LGR4: variants seen among roughly 807,000 people sequenced by gnomAD.
The protein encoded by LGR4 is leucine-rich repeat-containing G protein-coupled receptor 4.
Under a neutral mutation model 84.8 loss-of-function variants are expected in LGR4, and 44 were observed. That is an observed-to-expected ratio of 0.52 (90% CI 0.41 to 0.67). LGR4 has a LOEUF of 0.67. LGR4 is among the 30% of genes least tolerant of loss of function. The pLI, the probability that LGR4 is intolerant of heterozygous loss-of-function variation, is 0.00. For synonymous variants in LGR4, 429 were observed against 434.3 expected (o/e 0.99, Z 0.15); for missense variants, 1,032 against 1,131.4 (o/e 0.91, Z 1.26).
chr11:27,396,088 C>T (rs576985347), intron 2 of LGR4, among the ~76,000 whole-genome samples: 1 of 152,028 alleles, frequency 6.6e-6, no homozygotes, highest in African/African-American at 2.4e-5. Context: ...TTTCTGAGTC[C>T]CTGAGTGGTT....
At chr11:27,375,250 A>T (rs1862953672) in intron 13 of LGR4, among the ~76,000 whole-genome samples, 1 of 150,480 alleles carries the variant, frequency 6.6e-6, no homozygotes, top group Non-Finnish European at 1.5e-5. Flanking sequence ...AGCTGTGATT[A>T]CACCACTGCA....
chr11:27,411,892 A>G (rs1863718008), intron 2 of LGR4, among the ~76,000 whole-genome samples: 1 of 152,078 alleles, frequency 6.6e-6, no homozygotes, highest in Non-Finnish European at 1.5e-5. Flanking sequence ...CTAATACTCA[A>G]CAGCTGGGCT....
At position 27,386,567 on chromosome 11, in the gene LGR4, A is replaced by G. The variant is rs535893782; in HGVS notation, c.402-1099T>C. 2.0e-5 allele frequency among the ~76,000 whole-genome samples: 3 copies of G among 152,328 alleles called. No individual in the cohort carries two copies. The South Asian group carries it at 6.2e-4, about 32-fold the overall frequency. Reference sequence around the variant, plus strand: ...TCAGGTTCAGGAAATTCTGAGTTTTAGAGTGGTTTTTGTGCCTCCTGTTTC... The same window carrying G: ...TCAGGTTCAGGAAATTCTGAGTTTTGGAGTGGTTTTTGTGCCTCCTGTTTC... On this transcript the variant is annotated intron_variant, in intron 4 of 17. Transcript: ENST00000379214.
At chr11:27,387,435 G>A (rs1321330556) in intron 4 of LGR4, among the ~76,000 whole-genome samples, 3 of 152,148 alleles carry the variant, frequency 2.0e-5, no homozygotes, top group Admixed American at 2.0e-4. Flanking sequence ...GTCAAGAAAA[G>A]TATTTCTAAG....
chr11:27,461,675 A>G (rs2133455081), intron 1 of LGR4, among the ~76,000 whole-genome samples: 1 of 150,210 alleles, frequency 6.7e-6, no homozygotes, highest in South Asian at 2.1e-4. Context: ...CCGTTAGTAT[A>G]TTTTATGTGT....
chr11:27,392,567 C>CA, intron 2 of LGR4, 49 bp from the exon 3 acceptor site: 1 of 1,463,726 alleles, frequency 6.8e-7, no homozygotes, highest in Non-Finnish European at 9.2e-7. Flanking sequence ...GTAATTCAGA[C>CA]TTAAAATTCA....
intron 7 of LGR4, 56 bp from the exon 8 acceptor site, chr11:27,381,022 C>T (rs983380139): frequency 1.8e-5 from 17 of 927,416 alleles, no homozygotes; most frequent in Non-Finnish European, 2.8e-5. Context: ...CGAAATAAAA[C>T]CCAAGTATCT....
chr11:27,395,995 A>G (rs1863385342), intron 2 of LGR4, among the ~76,000 whole-genome samples: 1 of 152,250 alleles, frequency 6.6e-6, no homozygotes, highest in Admixed American at 6.5e-5. Context: ...CTATACGCCT[A>G]CAGTAGTTGC....
chr11:27,368,907 C>G lies in LGR4; in HGVS notation c.1816G>C (p.Ala606Pro), dbSNP rs760715826. Reference sequence around the variant, plus strand: ...GTTTCCCACCAAATGCCAAATTCAGCGAATCTGCCCCAGGACACAGCATCA... The same window carrying G: ...GTTTCCCACCAAATGCCAAATTCAGGGAATCTGCCCCAGGACACAGCATCA... ...FLDAVSWGRF[A>P]EFGIWWETGS... The change falls in exon 18 of 18, where the codon GCT (alanine) becomes CCT (proline). Residue 606 changes from alanine (A) to proline (P), a missense_variant. Ala to Pro is a conservative substitution (Grantham distance 27). Transcript: ENST00000379214. The G allele has an allele frequency of 6.2e-7, 1 of 1,614,138 alleles. No individual in the cohort carries two copies. The highest frequency in any genetic ancestry group is 2.2e-5 in the East Asian group (1 of 44,886).
intron 4 of LGR4, among the ~76,000 whole-genome samples, chr11:27,387,760 G>T (rs1473525113): frequency 6.6e-6 from 1 of 152,118 alleles, no homozygotes; most frequent in Admixed American, 6.6e-5. Context: ...CAGCTGAAAA[G>T]TTTAAATTGT....
rs1200969103 is a variant in LGR4, at chr11:27,472,406, G to T, written c.-104C>A. The T allele has an allele frequency of 2.1e-6, 2 of 942,932 alleles. No homozygotes were observed. Among genetic ancestry groups the T allele is most frequent in the East Asian group, 3.6e-5 (1 of 27,862 alleles). The allele number at this position is 942,932 out of a possible 1,614,324, so 58.4% of individuals were successfully genotyped here. ...GGGCAGCCGGCCTGCGGGCTGGAGC[G>T]GGGGTCTCTTCCTCGGCGGTCCGCG... On this transcript the variant is annotated 5_prime_UTR_variant, in exon 1 of 18. Transcript: ENST00000379214.
At chr11:27,408,650 G>A (rs1265744163) in intron 2 of LGR4, among the ~76,000 whole-genome samples, 1 of 152,110 alleles carries the variant, frequency 6.6e-6, no homozygotes, top group Non-Finnish European at 1.5e-5. Context: ...AGGCAGCAGA[G>A]CCTGTCAACG....
At chr11:27,392,765 G>A (rs1485287434) in intron 2 of LGR4, among the ~76,000 whole-genome samples, 1 of 152,038 alleles carries the variant, frequency 6.6e-6, no homozygotes, top group Non-Finnish European at 1.5e-5. Context: ...TTATTCTGGT[G>A]AGGTCAAGCA....
chr11:27,377,100 A>C lies in LGR4; in HGVS notation c.1109+58T>G. 4 of 986,312 alleles carry C rather than the reference A, an allele frequency of 4.1e-6. No individual in the cohort carries two copies. In the South Asian group the frequency reaches 4.5e-5, roughly 11 times the overall value. The allele number at this position is 986,312 out of a possible 1,614,324, so 61.1% of individuals were successfully genotyped here. ...TAAAGCCATCTATTAAAAATACGAA[A>C]TGCTCAACAAACTAACAATACACCA... On this transcript the variant is annotated intron_variant, in intron 12 of 17. Transcript: ENST00000379214.
At chr11:27,403,267 T>TA (rs1863538332) in intron 2 of LGR4, among the ~76,000 whole-genome samples, 1 of 152,088 alleles carries the variant, frequency 6.6e-6, no homozygotes. Context: ...ACCCAGGAGT[T>TA]AGAGACCAGC....
rs757087634 is a variant in LGR4, at chr11:27,412,806, A to G, written c.240T>C (p.Phe80=). The change falls in exon 2 of 18, where the codon TTT becomes TTC. Residue 80 remains phenylalanine (F), a synonymous_variant. Transcript: ENST00000379214. Reference sequence around the variant, plus strand: ...ATACTTACAGCTCTTCTAGAAAAGGAAAGTTCTTAAATGCATCTTCTGGCA... The same window carrying G: ...ATACTTACAGCTCTTCTAGAAAAGGGAAGTTCTTAAATGCATCTTCTGGCA... ...TQLPEDAFKN[F]PFLEELQLAG... 1.9e-6 allele frequency: 3 copies of G among 1,593,424 alleles called. No individual in the cohort carries two copies. In the East Asian group the frequency reaches 6.7e-5, roughly 36 times the overall value.
Position 27,367,396 on chromosome 11 carries a change from CT to C in LGR4, c.*470del. The C allele has an allele frequency of 6.5e-6, 1 of 153,446 alleles. No individual in the cohort carries two copies. The highest frequency in any genetic ancestry group is 1.5e-5 in the Non-Finnish European group (1 of 68,606). The allele number at this position is 153,446 out of a possible 1,614,324, so 9.5% of individuals were successfully genotyped here. On this transcript the variant is annotated 3_prime_UTR_variant, in exon 18 of 18. Coordinates refer to ENST00000379214, the MANE Select transcript of LGR4 (RefSeq NM_018490.5). ...CTCACAGTTCTAGCTGGGACAGTCC[CT>C]TTTTTGGCCCTGCAGTAAGTTGTCC...
At chr11:27,394,989 G>A (rs1272736866) in intron 2 of LGR4, among the ~76,000 whole-genome samples, 1 of 152,042 alleles carries the variant, frequency 6.6e-6, no homozygotes, top group Non-Finnish European at 1.5e-5. Context: ...CGATGCCATA[G>A]CATCCCAAAG....
Position 27,472,216 on chromosome 11 carries a change from G to A in LGR4, c.87C>T (p.Cys29=). ...AGPSGAAPPL[C]AAPCSCDGDR... Reference sequence around the variant, plus strand: ...CGCCGTCGCAGCTGCAGGGCGCCGCGCAGAGAGGCGGCGCCGCGCCGCTGG... The same window carrying A: ...CGCCGTCGCAGCTGCAGGGCGCCGCACAGAGAGGCGGCGCCGCGCCGCTGG... The change falls in exon 1 of 18, where the codon TGC becomes TGT. Residue 29 remains cysteine, a synonymous_variant. Transcript: ENST00000379214. 3 of 1,351,384 alleles carry A rather than the reference G, an allele frequency of 2.2e-6. No individual in the cohort carries two copies. In the South Asian group the frequency reaches 4.8e-5, roughly 22 times the overall value. 83.7% of individuals were successfully genotyped at this position (1,351,384 alleles called of 1,614,324 possible). A position where few individuals can be genotyped will look rare whatever the true frequency, so the allele number is the denominator to read the frequency against.
Sources: gnomAD v4.1 joint callset for allele counts (sites outside exome capture counted in the v4.1 genomes callset) on GRCh38, gnomAD v4.1.1 for gene constraint, MANE v1.5 for transcripts, NCBI Gene and HGNC (gene_info 2026-07-23, HGNC 2026-07-21) for gene names.